Variants in SCG5 observed in about 807,000 individuals in gnomAD.
SCG5 encodes the protein neuroendocrine protein 7B2.
In SCG5, 18 loss-of-function variants were observed where a neutral mutation model predicts 25.7. The observed-to-expected ratio is 0.70, with a 90% CI of 0.48 to 1.04. The LOEUF (loss-of-function observed/expected upper bound fraction) is 1.04, where lower values mean the gene tolerates loss of function less well. Among genes scored for constraint, SCG5 ranks in the 50% least tolerant of loss-of-function variants. The probability of loss-of-function intolerance (pLI) is 0.00; values close to 1 mark genes in which losing one functional copy is unlikely to be tolerated. For synonymous variants in SCG5, 101 were observed against 91.7 expected (o/e 1.10, Z -0.58); for missense variants, 206 against 259.8 (o/e 0.79, Z 1.42).
At position 32,679,928 on chromosome 15, in the gene SCG5, C is replaced by T. The variant is rs369587997; in HGVS notation, c.376+13C>T. 6.3e-6 allele frequency: 10 copies of T among 1,575,768 alleles called. No homozygotes were observed. The highest frequency in any genetic ancestry group is 5.5e-5 in the African/African-American group (4 of 73,366). On this transcript the variant is annotated intron_variant, in intron 3 of 5. Coordinates refer to ENST00000300175, the MANE Select transcript of SCG5 (RefSeq NM_001144757.3). ...GTTGGAAAAACAGGTAACAGATATG[C>T]CTTTGGGTTCCCATGAAAAGTTGGG... is the stretch of plus-strand genomic sequence containing the variant.
chr15:32,652,686 C>T (rs2054052004), intron 2 of SCG5, among the ~76,000 whole-genome samples: 1 of 152,156 alleles, frequency 6.6e-6, no homozygotes, highest in African/African-American at 2.4e-5. Context: ...TAATTCTAGC[C>T]ACCTTCTCAA....
intron 2 of SCG5, among the ~76,000 whole-genome samples, chr15:32,673,568 C>T (rs980741211): frequency 1.4e-4 from 6 of 41,974 alleles, no homozygotes; most frequent in Admixed American, 2.0e-4. Flanking sequence ...GTGTGTTGTG[C>T]GGGGGAGGGT....
intron 4 of SCG5, among the ~76,000 whole-genome samples, chr15:32,690,823 AT>A (rs2054838051): frequency 6.7e-6 from 1 of 150,052 alleles, no homozygotes; most frequent in South Asian, 2.1e-4. Flanking sequence ...TTTTTTCTTA[AT>A]GTCAGAGTAT....
intron 2 of SCG5, among the ~76,000 whole-genome samples, chr15:32,676,250 T>C (rs997314220): frequency 2.0e-5 from 3 of 152,236 alleles, no homozygotes; most frequent in African/African-American, 7.2e-5. Context: ...TGTGTTCTAA[T>C]CTGTCTGCTT....
chr15:32,694,751 C>T (rs1286112180), intron 5 of SCG5, among the ~76,000 whole-genome samples: 1 of 152,262 alleles, frequency 6.6e-6, no homozygotes, highest in African/African-American at 2.4e-5. Context: ...TTCTCACCTA[C>T]TTTGTGATGC....
rs117566101 is a variant in SCG5, at chr15:32,695,641, A to G, written c.544-873A>G. Among the ~76,000 whole-genome samples the G allele has an allele frequency of 3.5e-3, 526 of 152,158 alleles. 1 individual carries two copies. Among genetic ancestry groups the G allele is most frequent in the Non-Finnish European group, 5.3e-3 (363 of 68,000 alleles). ...GGTGGAAATGATCACTCGAGCCCCT[A>G]ATGAATTCTCCTTAGTAAAATACTG... On this transcript the variant is annotated intron_variant, in intron 5 of 5. Transcript: ENST00000300175.
intron 3 of SCG5, 71 bp downstream of exon 3, chr15:32,679,986 G>C: frequency 7.4e-7 from 1 of 1,346,172 alleles, no homozygotes; most frequent in East Asian, 2.3e-5. Flanking sequence ...TCTAACATCA[G>C]CTACAAATAT....
At chr15:32,654,906 G>A (rs527889217) in intron 2 of SCG5, among the ~76,000 whole-genome samples, 1 of 152,190 alleles carries the variant, frequency 6.6e-6, no homozygotes, top group African/African-American at 2.4e-5. Flanking sequence ...TCCAGCCTTC[G>A]CAACATGTAA....
At chr15:32,671,023 G>A (rs571772218) in intron 2 of SCG5, among the ~76,000 whole-genome samples, 1 of 152,306 alleles carries the variant, frequency 6.6e-6, no homozygotes, top group African/African-American at 2.4e-5. Context: ...ACTGAGGTAA[G>A]CATTTTACAT....
chr15:32,687,889 A>G (rs1009683359), intron 4 of SCG5, among the ~76,000 whole-genome samples: 1 of 152,238 alleles, frequency 6.6e-6, no homozygotes, highest in Non-Finnish European at 1.5e-5. Context: ...TAGTAATTGT[A>G]TTACATAATA....
intron 2 of SCG5, among the ~76,000 whole-genome samples, chr15:32,661,919 C>T (rs2140526083): frequency 6.6e-6 from 1 of 152,102 alleles, no homozygotes; most frequent in East Asian, 1.9e-4. Flanking sequence ...TGTTTTCTTC[C>T]AGTCTGTTTT....
intron 5 of SCG5, among the ~76,000 whole-genome samples, chr15:32,694,025 G>A (rs907936421): frequency 6.6e-5 from 10 of 152,076 alleles, no homozygotes; most frequent in Non-Finnish European, 1.2e-4. Context: ...CAGGAGAATC[G>A]TTTGAACCTG....
At position 32,691,804 on chromosome 15, in the gene SCG5, G is replaced by A. The variant is rs530516185; in HGVS notation, c.543+41G>A. 6.2e-6 allele frequency: 10 copies of A among 1,605,290 alleles called. No homozygotes were observed. The South Asian group carries it at 1.1e-4, about 18-fold the overall frequency. On this transcript the variant is annotated intron_variant, in intron 5 of 5. Transcript: ENST00000300175. The stretch of plus-strand genomic sequence containing the variant: ...CTGGATTGTTGCGGGGATGCTTGGA[G>A]CTTTCTGAGTGGGGCAGTGAACAGG...
intron 3 of SCG5, among the ~76,000 whole-genome samples, chr15:32,683,382 T>C (rs1300441240): frequency 6.6e-6 from 1 of 152,220 alleles, no homozygotes; most frequent in East Asian, 1.9e-4. Context: ...GTCTAAAATA[T>C]ATTAGACATG....
chr15:32,664,597 GAA>G lies in SCG5; in HGVS notation c.227-15166_227-15165del, dbSNP rs142414561. On this transcript the variant is annotated intron_variant, in intron 2 of 5. Coordinates refer to ENST00000300175, the MANE Select transcript of SCG5 (RefSeq NM_001144757.3). ...AGAAAAATAACACACAATTGCAAATGAAAAGTTAGGTTCCAGGCCTTGGAAGC... is the reference window on the plus strand; with the variant it reads ...AGAAAAATAACACACAATTGCAAATGAAGTTAGGTTCCAGGCCTTGGAAGC... 9.3e-3 allele frequency among the ~76,000 whole-genome samples: 1,414 copies of G among 152,296 alleles called. 28 individuals carry two copies. The highest frequency in any genetic ancestry group is 0.032 in the African/African-American group (1,341 of 41,558).
intron 4 of SCG5, among the ~76,000 whole-genome samples, chr15:32,685,820 ATGAG>A (rs1463928384): frequency 6.6e-6 from 1 of 152,234 alleles, no homozygotes; most frequent in African/African-American, 2.4e-5. Flanking sequence ...TGTGGAATGA[ATGAG>A]TGAGTGAATG....
At chr15:32,680,281 C>T (rs1223603983) in intron 3 of SCG5, among the ~76,000 whole-genome samples, 2 of 150,790 alleles carry the variant, frequency 1.3e-5, no homozygotes, top group Admixed American at 6.6e-5. Flanking sequence ...CTGCACGCTC[C>T]GCCTCCCAGG....
At chr15:32,668,532 C>A (rs2054360271) in intron 2 of SCG5, among the ~76,000 whole-genome samples, 1 of 152,214 alleles carries the variant, frequency 6.6e-6, no homozygotes, top group African/African-American at 2.4e-5. Flanking sequence ...AGTGCGGAAC[C>A]AGGTCAGCTG....
chr15:32,673,687 CAAAG>C (rs2054482991), intron 2 of SCG5, among the ~76,000 whole-genome samples: 1 of 151,958 alleles, frequency 6.6e-6, no homozygotes, highest in Non-Finnish European at 1.5e-5. Context: ...AGTGAGGTGA[CAAAG>C]AACATTAAAA....
Sources: gnomAD v4.1 joint callset for allele counts (sites outside exome capture counted in the v4.1 genomes callset) on GRCh38, gnomAD v4.1.1 for gene constraint, MANE v1.5 for transcripts, NCBI Gene and HGNC (gene_info 2026-07-23, HGNC 2026-07-21) for gene names.